KCNK6: variants seen among roughly 807,000 people sequenced by gnomAD.
KCNK6 encodes the protein potassium channel subfamily K member 6.
KCNK6 carries 20 observed loss-of-function variants against 21.9 expected under a neutral mutation model. The ratio of observed to expected loss-of-function variants is 0.91; its 90% confidence interval spans 0.64 to 1.32. The LOEUF is 1.32. Ranked by LOEUF, KCNK6 falls within the 40% of genes most tolerant of loss-of-function variation. The probability of loss-of-function intolerance (pLI) is 0.00; values close to 1 mark genes in which losing one functional copy is unlikely to be tolerated. For missense variants in KCNK6, 415 were observed against 433.1 expected (o/e 0.96, Z 0.37); for synonymous variants, 210 against 218.0 (o/e 0.96, Z 0.32).
At position 38,326,587 on chromosome 19, in the gene KCNK6, C is replaced by T. The variant is rs1400521055; in HGVS notation, c.323-6C>T. ...GATTTACCCTTTACTCTCTTTACTC[C>T]CCTAGGCTATGGGTACACAACGCCA... On this transcript the variant is annotated splice_polypyrimidine_tract_variant and splice_region_variant and intron_variant, in intron 1 of 2. Coordinates refer to ENST00000263372, the MANE Select transcript of KCNK6 (RefSeq NM_004823.3). 6.2e-7 allele frequency: 1 copy of T among 1,603,452 alleles called. No individual in the cohort carries two copies.
rs927736080 is a variant in KCNK6 at position 38,330,839 on chromosome 19, A to T, written c.*3436A>T. 1 of 152,134 alleles carries T rather than the reference A, an allele frequency of 6.6e-6. No homozygotes were observed. The highest frequency in any genetic ancestry group is 1.5e-5 in the Non-Finnish European group (1 of 68,032). 9.4% of individuals were successfully genotyped at this position (152,134 alleles called of 1,614,324 possible). ...AGGTTTTGGTTGGGCATCTTTTCCT[A>T]TGGGAGCTCAGAAATATCTGTTGTC... On this transcript the variant is annotated 3_prime_UTR_variant, in exon 3 of 3. Coordinates refer to ENST00000263372, the MANE Select transcript of KCNK6 (RefSeq NM_004823.3).
chr19:38,326,375 C>A (rs1006527834), intron 1 of KCNK6, among the ~76,000 whole-genome samples: 1 of 151,992 alleles, frequency 6.6e-6, no homozygotes, highest in African/African-American at 2.4e-5. Context: ...ATAGTAGGAC[C>A]CCATCTCTAC....
At chr19:38,326,451 T>G in intron 1 of KCNK6, 142 bp from the exon 2 acceptor site, 2 of 959,430 alleles carry the variant, frequency 2.1e-6, no homozygotes, top group Non-Finnish European at 3.1e-6. Context: ...AGGAGGAGGC[T>G]GAGGTGGTAG....
At chr19:38,324,742 A>G (rs1600423681) in intron 1 of KCNK6, among the ~76,000 whole-genome samples, 1 of 152,106 alleles carries the variant, frequency 6.6e-6, no homozygotes, top group East Asian at 1.9e-4. Context: ...GGAGCCTTTT[A>G]AAATTATTAT....
At position 38,331,889 on chromosome 19, in the gene KCNK6, C is replaced by T. The variant is rs1969770966; in HGVS notation, c.*4486C>T. 1 of 152,178 alleles carries T rather than the reference C, an allele frequency of 6.6e-6. No individual in the cohort carries two copies. Among genetic ancestry groups the T allele is most frequent in the African/African-American group, 2.4e-5 (1 of 41,442 alleles). 9.4% of individuals were successfully genotyped at this position (152,178 alleles called of 1,614,324 possible). On this transcript the variant is annotated 3_prime_UTR_variant, in exon 3 of 3. Coordinates refer to ENST00000263372, the MANE Select transcript of KCNK6 (RefSeq NM_004823.3). The stretch of plus-strand genomic sequence containing the variant: ...TCCTGGGTATAAATCTGAACTCTGT[C>T]ACTCCCAAGCTAAGTGGCTTTGGGC...
chr19:38,320,416 C>T, intron 1 of KCNK6, 144 bp downstream of exon 1: 1 of 871,118 alleles, frequency 1.1e-6, no homozygotes, highest in Non-Finnish European at 1.7e-6. Flanking sequence ...CCAGTGAGGA[C>T]CCGGGACCCA....
chr19:38,325,710 G>A (rs1969700404), intron 1 of KCNK6: 1 of 195,922 alleles, frequency 5.1e-6, no homozygotes, highest in Non-Finnish European at 9.3e-6. Flanking sequence ...AGAAGACCTG[G>A]AGAGGAGAGA....
In KCNK6 at chr19:38,327,242, G is replaced by T; in HGVS notation, c.781G>T (p.Asp261Tyr). 2 of 1,613,564 alleles carry T rather than the reference G, an allele frequency of 1.2e-6. No homozygotes were observed. Among genetic ancestry groups the T allele is most frequent in the South Asian group, 2.2e-5 (2 of 91,086 alleles). ...LVLQTFRHVS[D>Y]LHGLTELILL... ...GCTGCAGACCTTCCGCCACGTGTCC[G>T]ACCTCCACGGCCTCACGGAGCTCAT... The change falls in exon 3 of 3, where the codon GAC becomes TAC. Residue 261 changes from aspartate (D) to tyrosine (Y), a missense_variant. Asp to Tyr is a radical substitution (Grantham distance 160). Transcript: ENST00000263372.
rs1332917399 is a variant in KCNK6 at position 38,331,010 on chromosome 19, A to G, written c.*3607A>G. ...TCTCCTTCCAAATACCTCCAGGAAG[A>G]AAAGCAAGTCCTTTTTGGTCCAAGA... On this transcript the variant is annotated 3_prime_UTR_variant, in exon 3 of 3. Coordinates refer to ENST00000263372, the MANE Select transcript of KCNK6 (RefSeq NM_004823.3). The G allele has an allele frequency of 1.3e-5, 2 of 152,232 alleles. No individual in the cohort carries two copies. Among genetic ancestry groups the G allele is most frequent in the African/African-American group, 4.8e-5 (2 of 41,462 alleles). 9.4% of individuals were successfully genotyped at this position (152,232 alleles called of 1,614,324 possible). A position where few individuals can be genotyped will look rare whatever the true frequency, so the allele number is the denominator to read the frequency against.
At chr19:38,322,446 C>T (rs973891902) in intron 1 of KCNK6, among the ~76,000 whole-genome samples, 6 of 152,264 alleles carry the variant, frequency 3.9e-5, no homozygotes, top group South Asian at 4.1e-4. Context: ...GAGAGACATT[C>T]GGGTAGGGGG....
chr19:38,323,625 G>A (rs186824699), intron 1 of KCNK6, among the ~76,000 whole-genome samples: 61 of 152,324 alleles, frequency 4.0e-4, no homozygotes, highest in African/African-American at 1.4e-3. Flanking sequence ...TTTTCAGACA[G>A]GGTCTTGCTC....
In KCNK6 at chr19:38,326,651, G is replaced by T. The variant is rs144408830; in HGVS notation, c.381G>T (p.Ala127=). 64 of 1,609,712 alleles carry T rather than the reference G, an allele frequency of 4.0e-5. No homozygotes were observed. In the African/African-American group the frequency reaches 7.1e-4, roughly 18 times the overall value. ...DAGKAFSIAF[A]LLGVPTTMLL... is the part of the protein sequence containing the mutation. ...GCAAGGCCTTCTCCATCGCCTTTGC[G>T]CTCCTGGGCGTGCCGACCACCATGC... The change falls in exon 2 of 3, where the codon GCG becomes GCT. Residue 127 remains alanine (A), a synonymous_variant. Transcript: ENST00000263372.
Position 38,327,328 on chromosome 19 carries a change from C to A in KCNK6, c.867C>A (p.Ile289=). Residue 289 remains isoleucine (I), a synonymous_variant, in exon 3 of 3, where the codon ATC becomes ATA. Transcript: ENST00000263372. ...FNADEDDRVD[I]LGPQPESHQQ... is the part of the protein sequence containing the mutation. Reference sequence around the variant, plus strand: ...CGGATGAGGACGATCGGGTGGACATCCTGGGCCCCCAGCCGGAGTCGCACC... The same window carrying A: ...CGGATGAGGACGATCGGGTGGACATACTGGGCCCCCAGCCGGAGTCGCACC... 6.2e-7 allele frequency: 1 copy of A among 1,613,226 alleles called. No individual in the cohort carries two copies. Among genetic ancestry groups the A allele is most frequent in the South Asian group, 1.1e-5 (1 of 91,084 alleles).
At chr19:38,320,736 T>G (rs1969642464) in intron 1 of KCNK6, among the ~76,000 whole-genome samples, 2 of 152,032 alleles carry the variant, frequency 1.3e-5, no homozygotes, top group African/African-American at 4.8e-5. Context: ...TTTTTGTATT[T>G]TCAGTGGAGA....
Position 38,329,671 on chromosome 19 carries a change from G to T in KCNK6, c.*2268G>T, listed in dbSNP as rs111900185. ...TTTCCTGAGGGCCCTAGAGAGCCAT[G>T]GAAGGGTTTAGAGTAGGAGTGGGTC... On this transcript the variant is annotated 3_prime_UTR_variant, in exon 3 of 3. Coordinates refer to ENST00000263372, the MANE Select transcript of KCNK6 (RefSeq NM_004823.3). 5.1e-3 allele frequency: 783 copies of T among 152,374 alleles called. 6 individuals carry two copies. The highest frequency in any genetic ancestry group is 0.018 in the African/African-American group (741 of 41,550). 9.4% of individuals were successfully genotyped at this position (152,374 alleles called of 1,614,324 possible). A position where few individuals can be genotyped will look rare whatever the true frequency, so the allele number is the denominator to read the frequency against.
At chr19:38,323,533 T>C (rs1050269217) in intron 1 of KCNK6, among the ~76,000 whole-genome samples, 1 of 152,220 alleles carries the variant, frequency 6.6e-6, no homozygotes, top group Non-Finnish European at 1.5e-5. Flanking sequence ...CTTGTAACTC[T>C]TTCCACGCTC....
intron 1 of KCNK6, chr19:38,325,364 C>G: frequency 1.0e-6 from 1 of 978,496 alleles, no homozygotes; most frequent in Non-Finnish European, 1.2e-6. Flanking sequence ...ATCTGCCCGC[C>G]TAGGCCTCCC....
rs1969735488 is a variant in KCNK6 at position 38,328,410 on chromosome 19, T to G, written c.*1007T>G. ...ATTGTAAGAGCTGTCCACATTTGTATGTTGTGCCCTGGAATCAGCCTGGTT... is the reference window on the plus strand; with the variant it reads ...ATTGTAAGAGCTGTCCACATTTGTAGGTTGTGCCCTGGAATCAGCCTGGTT... On this transcript the variant is annotated 3_prime_UTR_variant, in exon 3 of 3. Transcript: ENST00000263372. 6.6e-6 allele frequency: 1 copy of G among 152,272 alleles called. No homozygotes were observed. Among genetic ancestry groups the G allele is most frequent in the Non-Finnish European group, 1.5e-5 (1 of 68,092 alleles). 9.4% of individuals were successfully genotyped at this position (152,272 alleles called of 1,614,324 possible).
In KCNK6 at chr19:38,329,562, GCAGGGAAA is replaced by G. The variant is rs1178792352; in HGVS notation, c.*2160_*2167del. On this transcript the variant is annotated 3_prime_UTR_variant, in exon 3 of 3. Coordinates refer to ENST00000263372, the MANE Select transcript of KCNK6 (RefSeq NM_004823.3). ...ACAAGCAGTTTAGTATGAACGGTAT[GCAGGGAAA>G]GAGGGAAGGAGGGCAGAGGGGTGCG... 2 of 152,146 alleles carry G rather than the reference GCAGGGAAA, an allele frequency of 1.3e-5. No homozygotes were observed. The highest frequency in any genetic ancestry group is 2.9e-5 in the Non-Finnish European group (2 of 68,104). The allele number at this position is 152,146 out of a possible 1,614,324, so 9.4% of individuals were successfully genotyped here. A position where few individuals can be genotyped will look rare whatever the true frequency, so the allele number is the denominator to read the frequency against.
Sources: allele counts gnomAD v4.1 joint callset (sites outside exome capture counted in the v4.1 genomes callset), GRCh38; gene constraint gnomAD v4.1.1; transcripts MANE v1.5; gene names NCBI Gene and HGNC (gene_info 2026-07-23, HGNC 2026-07-21).